Variants in TCF12 observed in about 807,000 individuals in gnomAD.
The protein encoded by TCF12 is transcription factor 12, also known as DNA-binding protein HTF4.
In TCF12, 45 loss-of-function variants were observed where a neutral mutation model predicts 86.0. That is an observed-to-expected ratio of 0.52 (90% confidence interval 0.41 to 0.67). TCF12 has a LOEUF of 0.67. TCF12 is among the 30% of genes least tolerant of loss of function. TCF12 has a pLI of 0.00. For missense variants in TCF12, 881 were observed against 859.9 expected, an observed-to-expected ratio of 1.02 and a Z score of -0.31; for synonymous variants, 330 against 299.6, an observed-to-expected ratio of 1.10 and a Z score of -1.05.
In TCF12 at chr15:57,232,295, G is replaced by T. The variant is rs141155059; in HGVS notation, c.690G>T (p.Gly230=). The change falls in exon 10 of 21, where the codon GGG becomes GGT. Residue 230 remains glycine, a synonymous_variant. Coordinates refer to ENST00000333725, the MANE Select transcript of TCF12 (RefSeq NM_207037.2). The stretch of plus-strand genomic sequence containing the variant: ...ATATTTCTCTTTTTGTCTTAGATGG[G>T]ACCCACAATTCTTCTGACCTTTGGA... ...MFASTFFMQD[G]THNSSDLWSS... is the part of the protein sequence containing the mutation. The T allele has an allele frequency of 1.2e-6, 2 of 1,613,782 alleles. No homozygotes were observed. Among genetic ancestry groups the T allele is most frequent in the Admixed American group, 3.3e-5 (2 of 59,982 alleles).
chr15:57,104,217 G>A (rs771712304), intron 5 of TCF12, among the ~76,000 whole-genome samples: 4 of 151,920 alleles, frequency 2.6e-5, no homozygotes, highest in South Asian at 2.1e-4. Context: ...TTTTCACAAT[G>A]AGCATGTATT....
At chr15:57,197,873 AGTGTTCC>A in intron 8 of TCF12, 48 bp downstream of exon 8, 1 of 1,586,504 alleles carries the variant, frequency 6.3e-7, no homozygotes, top group Non-Finnish European at 8.6e-7. Flanking sequence ...ACTGATTTCA[AGTGTTCC>A]GTATTACCTT....
In TCF12 at chr15:56,927,959, G is replaced by A. The variant is rs540507761; in HGVS notation, c.148+6861G>A. Among the ~76,000 whole-genome samples, 12 of 152,276 alleles carry A rather than the reference G, an allele frequency of 7.9e-5. No individual in the cohort carries two copies. In the South Asian group the frequency reaches 8.3e-4, roughly 11 times the overall value. On this transcript the variant is annotated intron_variant, in intron 3 of 20. Transcript: ENST00000333725. ...AAATGTGTTGTGTGGTGACTGGAGG[G>A]AATTCCTGTCATTCTTTGACCTGTG...
At chr15:57,061,492 A>T (rs1400820775) in intron 3 of TCF12, among the ~76,000 whole-genome samples, 4 of 152,184 alleles carry the variant, frequency 2.6e-5, no homozygotes, top group Non-Finnish European at 4.4e-5. Flanking sequence ...TAGTCCTAGC[A>T]CTGAGGAAGC....
chr15:57,080,519 T>C lies in TCF12; in HGVS notation c.223-11270T>C, dbSNP rs551714843. Among the ~76,000 whole-genome samples the C allele has an allele frequency of 3.6e-3, 549 of 152,278 alleles. 5 individuals carry two copies. The highest frequency in any genetic ancestry group is 0.013 in the African/African-American group (522 of 41,552). Reference sequence around the variant, plus strand: ...CTGTCTCTTAACAAGCCGTTTTGCATTCAGTTGCTATTTCTGGGAAGCTTC... The same window carrying C: ...CTGTCTCTTAACAAGCCGTTTTGCACTCAGTTGCTATTTCTGGGAAGCTTC... On this transcript the variant is annotated intron_variant, in intron 4 of 20. Coordinates refer to ENST00000333725, the MANE Select transcript of TCF12 (RefSeq NM_207037.2).
chr15:57,085,606 A>T (rs1195498289), intron 4 of TCF12, among the ~76,000 whole-genome samples: 3 of 152,344 alleles, frequency 2.0e-5, no homozygotes, highest in African/African-American at 7.2e-5. Flanking sequence ...AGTGACATTC[A>T]AGGATTTGTT....
At chr15:56,970,017 T>G (rs1458505868) in intron 3 of TCF12, among the ~76,000 whole-genome samples, 1 of 152,196 alleles carries the variant, frequency 6.6e-6, no homozygotes, top group Non-Finnish European at 1.5e-5. Context: ...TAAGCTACAT[T>G]TAGTCTGTCT....
chr15:57,172,117 C>T (rs1251691648), intron 6 of TCF12, among the ~76,000 whole-genome samples: 1 of 151,942 alleles, frequency 6.6e-6, no homozygotes, highest in Non-Finnish European at 1.5e-5. Context: ...TTCTTTTTTC[C>T]TGTTATACCC....
intron 3 of TCF12, among the ~76,000 whole-genome samples, chr15:56,962,200 G>T (rs1482905159): frequency 9.2e-5 from 14 of 151,430 alleles, no homozygotes; most frequent in African/African-American, 2.7e-4. Flanking sequence ...GAAAGCCACA[G>T]CTTCAGTAGT....
chr15:57,074,556 G>A (rs1163259586), intron 4 of TCF12, among the ~76,000 whole-genome samples: 1 of 152,082 alleles, frequency 6.6e-6, no homozygotes, highest in Non-Finnish European at 1.5e-5. Context: ...GCCCAGGCTG[G>A]AAATGCAGTG....
At chr15:57,093,741 C>T (rs181585253) in intron 5 of TCF12, among the ~76,000 whole-genome samples, 1 of 152,090 alleles carries the variant, frequency 6.6e-6, no homozygotes, top group African/African-American at 2.4e-5. Context: ...TATTAGAATA[C>T]GTTCAATAGT....
intron 6 of TCF12, among the ~76,000 whole-genome samples, chr15:57,167,956 C>T (rs1427056878): frequency 1.3e-5 from 2 of 152,074 alleles, no homozygotes; most frequent in Non-Finnish European, 2.9e-5. Flanking sequence ...TGACAAGAGC[C>T]GAATCTGTTA....
At chr15:57,202,378 G>A (rs2057585402) in intron 8 of TCF12, among the ~76,000 whole-genome samples, 1 of 151,014 alleles carries the variant, frequency 6.6e-6, no homozygotes. Context: ...ACCTACAGTA[G>A]TAGAAAACCA....
intron 5 of TCF12, among the ~76,000 whole-genome samples, chr15:57,094,398 C>T (rs546988963): frequency 9.1e-4 from 138 of 152,076 alleles, no homozygotes; most frequent in Admixed American, 2.0e-3. Context: ...ACAATCTGCA[C>T]GACAATAGCT....
intron 15 of TCF12, 40 bp from the exon 16 acceptor site, chr15:57,253,222 G>A: frequency 6.2e-7 from 1 of 1,605,910 alleles, no homozygotes; most frequent in Non-Finnish European, 8.5e-7. Context: ...TCTAACAGAT[G>A]CCAGCAATAA....
Position 57,287,321 on chromosome 15 carries a change from G to A in TCF12, c.*1176G>A, listed in dbSNP as rs2061965517. ...TACCTAATGGAATACAAGAGCAATG[G>A]TCACCCGTATTTCCTTATCCTAGCC... On this transcript the variant is annotated 3_prime_UTR_variant, in exon 21 of 21. Coordinates refer to ENST00000333725, the MANE Select transcript of TCF12 (RefSeq NM_207037.2). 6.6e-6 allele frequency: 1 copy of A among 152,608 alleles called. No individual in the cohort carries two copies. The highest frequency in any genetic ancestry group is 6.5e-5 in the Admixed American group (1 of 15,268). The allele number at this position is 152,608 out of a possible 1,614,324, so 9.5% of individuals were successfully genotyped here.
intron 3 of TCF12, among the ~76,000 whole-genome samples, chr15:56,989,986 A>G (rs2063362969): frequency 6.6e-6 from 1 of 152,134 alleles, no homozygotes; most frequent in Non-Finnish European, 1.5e-5. Flanking sequence ...GTGTAAACAA[A>G]TGAAGATTAA....
intron 5 of TCF12, among the ~76,000 whole-genome samples, chr15:57,141,473 C>G (rs1389848015): frequency 2.6e-5 from 4 of 152,186 alleles, no homozygotes; most frequent in African/African-American, 9.7e-5. Context: ...CCTCAGCCTC[C>G]CGAGTAGCTG....
intron 4 of TCF12, among the ~76,000 whole-genome samples, chr15:57,075,804 T>TTCTTTCTTTCTTTCTCTCTCTCTCTCTC (rs1461514777): frequency 2.1e-4 from 6 of 28,598 alleles, no homozygotes; most frequent in Admixed American, 7.7e-4. Flanking sequence ...CTTTCTTTCT[T>TTCTTTCTTTCTTTCTCTCTCTCTCTCTC]TCTCTCTCTC....
Sources: gnomAD v4.1 joint callset for allele counts (sites outside exome capture counted in the v4.1 genomes callset) on GRCh38, gnomAD v4.1.1 for gene constraint, MANE v1.5 for transcripts, NCBI Gene and HGNC (gene_info 2026-07-23, HGNC 2026-07-21) for gene names.